CCDC112: variants seen among roughly 807,000 people sequenced by gnomAD.
CCDC112 encodes the protein coiled-coil domain-containing protein 112.
In CCDC112, 40 loss-of-function variants were observed where a neutral mutation model predicts 66.3. The observed-to-expected ratio is 0.60, with a 90% CI of 0.47 to 0.79. The LOEUF is 0.79. CCDC112 is among the 30% of genes least tolerant of loss of function. CCDC112 has a pLI of 0.00. For missense variants in CCDC112, 659 were observed against 603.8 expected (o/e 1.09, Z -0.96); for synonymous variants, 214 against 197.2 (o/e 1.09, Z -0.71).
At chr5:115,295,846 G>C (rs188235537) in intron 1 of CCDC112, 1 of 973,652 alleles carries the variant, frequency 1.0e-6, no homozygotes, top group Non-Finnish European at 1.2e-6. Context: ...TGCCGCGTAA[G>C]GCGATTCATT....
chr5:115,268,767 CATATT>C (rs1748874772), intron 9 of CCDC112, 110 bp downstream of exon 9: 2 of 355,458 alleles, frequency 5.6e-6, no homozygotes, highest in Non-Finnish European at 5.0e-6. Context: ...TACACACTTA[CATATT>C]ATATTTTCAT....
At position 115,284,810 on chromosome 5, in the gene CCDC112, G is replaced by A; in HGVS notation, c.216C>T (p.Arg72=). The A allele has an allele frequency of 1.2e-6, 2 of 1,606,868 alleles. No homozygotes were observed. Among genetic ancestry groups the A allele is most frequent in the East Asian group, 2.2e-5 (1 of 44,716 alleles). Residue 72 remains arginine, a synonymous_variant, in exon 2 of 10, where the codon CGC becomes CGT. Coordinates refer to ENST00000379611, the MANE Select transcript of CCDC112 (RefSeq NM_001040440.3). The part of the protein sequence containing the change: ...VNQTKKAEFV[R]TAEKFKNQVI... ...ACTGATTTTTAAATTTTTCTGCTGT[G>A]CGTACAAATTCTGCTTTCTTAGTCT... is the stretch of plus-strand genomic sequence containing the variant.
chr5:115,290,115 A>T (rs2127074572), intron 1 of CCDC112, among the ~76,000 whole-genome samples: 1 of 152,334 alleles, frequency 6.6e-6, no homozygotes, highest in Non-Finnish European at 1.5e-5. Flanking sequence ...CCTGTGTTTT[A>T]TTCTAAGTTT....
intron 2 of CCDC112, among the ~76,000 whole-genome samples, chr5:115,284,472 T>C (rs1749591712): frequency 6.6e-6 from 1 of 152,196 alleles, no homozygotes; most frequent in South Asian, 2.1e-4. Context: ...GGCATTTAGT[T>C]ATAAAGTGAA....
rs1412044943 is a variant in CCDC112 at position 115,268,957 on chromosome 5, G to A, written c.1472C>T (p.Pro491Leu). ...VSRDPSRLYKPTKGWEERTKK... is the reference protein window; with the variant it reads ...VSRDPSRLYKLTKGWEERTKK... ...GGTTCGTTCTTCCCAACCTTTGGTG[G>A]GTTTGTAAAGCCTAGAGGGATCTCT... The change falls in exon 9 of 10, where the codon CCC becomes CTC. Residue 491 changes from proline to leucine, a missense_variant. Physicochemically the swap from Pro to Leu is moderately conservative, Grantham distance 98. Transcript: ENST00000379611. 6 of 1,604,944 alleles carry A rather than the reference G, an allele frequency of 3.7e-6. No individual in the cohort carries two copies. The highest frequency in any genetic ancestry group is 5.1e-6 in the Non-Finnish European group (6 of 1,175,896).
chr5:115,282,625 T>C (rs1561497334), intron 2 of CCDC112, among the ~76,000 whole-genome samples: 1 of 152,060 alleles, frequency 6.6e-6, no homozygotes, highest in Non-Finnish European at 1.5e-5. Flanking sequence ...CTACCATTTA[T>C]ACAAAAAAGG....
At chr5:115,281,475 G>C (rs188094533) in intron 2 of CCDC112, among the ~76,000 whole-genome samples, 14 of 152,246 alleles carry the variant, frequency 9.2e-5, no homozygotes, top group Middle Eastern at 3.4e-3. Context: ...AGAAATAATG[G>C]GTAGATAAAG....
At chr5:115,285,807 G>A (rs1298355805) in intron 1 of CCDC112, among the ~76,000 whole-genome samples, 1 of 152,050 alleles carries the variant, frequency 6.6e-6, no homozygotes, top group Non-Finnish European at 1.5e-5. Flanking sequence ...CTGGAAGCAG[G>A]AGATCAATGA....
intron 1 of CCDC112, among the ~76,000 whole-genome samples, chr5:115,295,094 C>G (rs747052122): frequency 1.3e-5 from 2 of 152,086 alleles, no homozygotes; most frequent in African/African-American, 4.8e-5. Flanking sequence ...CTCAACACCC[C>G]CCTGCTCCCC....
intron 1 of CCDC112, among the ~76,000 whole-genome samples, chr5:115,288,395 C>T (rs887514552): frequency 5.9e-5 from 9 of 152,180 alleles, no homozygotes; most frequent in Non-Finnish European, 1.2e-4. Context: ...CTGTTAAATA[C>T]ATCCCAGCAA....
At position 115,275,200 on chromosome 5, in the gene CCDC112, C is replaced by T; in HGVS notation, c.918+16G>A. On this transcript the variant is annotated intron_variant, in intron 6 of 9. Transcript: ENST00000379611. The stretch of plus-strand genomic sequence containing the variant: ...CATAGAAACACAGAATGAATAATAG[C>T]TATTATAATTATTACCTCTTTTTTT... 1 of 1,555,778 alleles carries T rather than the reference C, an allele frequency of 6.4e-7. No homozygotes were observed. Among genetic ancestry groups the T allele is most frequent in the Non-Finnish European group, 8.8e-7 (1 of 1,140,056 alleles).
In CCDC112 at chr5:115,267,796, A is replaced by G. The variant is rs1483469303; in HGVS notation, c.*80T>C. Reference sequence around the variant, plus strand: ...AATCTGACTAAGCTATTGATATTTAAAGAATGTGGTTAGTCACTCTCTCCC... The same window carrying G: ...AATCTGACTAAGCTATTGATATTTAGAGAATGTGGTTAGTCACTCTCTCCC... On this transcript the variant is annotated 3_prime_UTR_variant, in exon 10 of 10. Transcript: ENST00000379611. The G allele has an allele frequency of 9.2e-7, 1 of 1,084,804 alleles. No individual in the cohort carries two copies. The highest frequency in any genetic ancestry group is 1.4e-6 in the Non-Finnish European group (1 of 700,892). The allele number at this position is 1,084,804 out of a possible 1,614,324, so 67.2% of individuals were successfully genotyped here.
intron 1 of CCDC112, among the ~76,000 whole-genome samples, chr5:115,287,896 G>T (rs1749747944): frequency 6.6e-6 from 1 of 151,458 alleles, no homozygotes; most frequent in Non-Finnish European, 1.5e-5. Flanking sequence ...TAATAATTGA[G>T]ATTTTATTGG....
chr5:115,280,984 G>A (rs768028591), intron 2 of CCDC112, among the ~76,000 whole-genome samples: 75 of 151,354 alleles, frequency 5.0e-4, no homozygotes, highest in Non-Finnish European at 8.1e-4. Context: ...TATCTATACC[G>A]TAGAGTTTCC....
chr5:115,283,826 C>T (rs1167062397), intron 2 of CCDC112, among the ~76,000 whole-genome samples: 1 of 152,022 alleles, frequency 6.6e-6, no homozygotes, highest in Non-Finnish European at 1.5e-5. Context: ...CAAATTGATA[C>T]TATGTAGGTT....
chr5:115,276,459 A>T (rs2127057504), intron 4 of CCDC112, among the ~76,000 whole-genome samples: 1 of 152,270 alleles, frequency 6.6e-6, no homozygotes, highest in African/African-American at 2.4e-5. Context: ...GTAAGCAAGG[A>T]GGTAGGGATA....
intron 9 of CCDC112, 90 bp downstream of exon 9, chr5:115,268,791 GA>G: frequency 2.1e-6 from 1 of 484,782 alleles, no homozygotes; most frequent in South Asian, 5.9e-5. Context: ...ATATATATAT[GA>G]AAAATATAAT....
chr5:115,268,664 G>T (rs868033664), intron 9 of CCDC112, among the ~76,000 whole-genome samples: 1 of 146,818 alleles, frequency 6.8e-6, no homozygotes, highest in Non-Finnish European at 1.5e-5. Flanking sequence ...GAAAAAATAT[G>T]TATATTTATA....
At position 115,271,538 on chromosome 5, in the gene CCDC112, A is replaced by G; in HGVS notation, c.1007T>C (p.Phe336Ser). 1.2e-6 allele frequency: 2 copies of G among 1,610,384 alleles called. No individual in the cohort carries two copies. The highest frequency in any genetic ancestry group is 1.7e-6 in the Non-Finnish European group (2 of 1,179,142). Residue 336 changes from phenylalanine to serine, a missense_variant, in exon 7 of 10, where the codon TTT becomes TCT. Coordinates refer to ENST00000379611, the MANE Select transcript of CCDC112 (RefSeq NM_001040440.3). ...KEKADNTPVL[F>S]HNKQEDNQKQ... is the part of the protein sequence containing the mutation. ...TTGATTATCCTCTTGTTTATTATGA[A>G]AAAGCACAGGTGTGTTGTCTGCCTT...
Sources: gnomAD v4.1 joint callset for allele counts (sites outside exome capture counted in the v4.1 genomes callset) on GRCh38, gnomAD v4.1.1 for gene constraint, MANE v1.5 for transcripts, NCBI Gene and HGNC (gene_info 2026-07-23, HGNC 2026-07-21) for gene names.